The following CYP11A1 variants were observed in gnomAD, a reference collection of about 807,000 sequenced individuals.
CYP11A1 encodes the protein cytochrome P450 family 11 subfamily A member 1.
In CYP11A1, 25 loss-of-function variants were observed where a neutral mutation model predicts 51.9. The observed-to-expected ratio is 0.48, with a 90% CI of 0.35 to 0.67. CYP11A1 has a LOEUF of 0.67. CYP11A1 is among the 30% of genes least tolerant of loss of function. The probability of loss-of-function intolerance (pLI) is 0.00; values close to 1 mark genes in which losing one functional copy is unlikely to be tolerated. For synonymous variants in CYP11A1, 245 were observed against 262.1 expected, an observed-to-expected ratio of 0.93 and a Z score of 0.63; for missense variants, 578 against 680.9, an observed-to-expected ratio of 0.85 and a Z score of 1.68.
chr15:74,342,516 C>A (rs932981944), intron 5 of CYP11A1, among the ~76,000 whole-genome samples: 2 of 152,164 alleles, frequency 1.3e-5, no homozygotes, highest in African/African-American at 4.8e-5. Flanking sequence ...GGAGGAAGGA[C>A]AACAAAAAGA....
chr15:74,361,329 A>G (rs2060707940), intron 1 of CYP11A1: 1 of 223,662 alleles, frequency 4.5e-6, no homozygotes, highest in Non-Finnish European at 8.9e-6. Flanking sequence ...TATGTTACCA[A>G]TCACAATTAT....
chr15:74,361,510 G>T, intron 1 of CYP11A1: 1 of 580,586 alleles, frequency 1.7e-6, no homozygotes, highest in East Asian at 3.6e-5. Context: ...CTGTCGCTTT[G>T]CAGATGCCGT....
chr15:74,358,280 A>T (rs896365934), intron 1 of CYP11A1, among the ~76,000 whole-genome samples: 2 of 152,162 alleles, frequency 1.3e-5, no homozygotes, highest in Non-Finnish European at 2.9e-5. Context: ...TCTCCTTCTC[A>T]TCGGTCACTC....
chr15:74,347,307 G>C (rs776002823), intron 2 of CYP11A1, among the ~76,000 whole-genome samples: 11 of 152,300 alleles, frequency 7.2e-5, no homozygotes, highest in Admixed American at 3.3e-4. Flanking sequence ...TACTTGGGAG[G>C]CTGAGGTGGG....
rs765534121 is a variant in CYP11A1 at position 74,367,601 on chromosome 15, G to A, written c.-16C>T. The A allele has an allele frequency of 2.5e-6, 4 of 1,612,390 alleles. No individual in the cohort carries two copies. Among genetic ancestry groups the A allele is most frequent in the Non-Finnish European group, 2.5e-6 (3 of 1,179,610 alleles). ...TGGCCAGCATGCTGTCCCCACAGCT[G>A]TGACTGTACCTGCTCCACTTCAGCG... is the stretch of plus-strand genomic sequence containing the variant. On this transcript the variant is annotated 5_prime_UTR_variant, in exon 1 of 9. Transcript: ENST00000268053.
At chr15:74,360,430 G>A (rs751318080) in intron 1 of CYP11A1, among the ~76,000 whole-genome samples, 3 of 151,808 alleles carry the variant, frequency 2.0e-5, no homozygotes, top group African/African-American at 2.4e-5. Flanking sequence ...ACAGACGCCC[G>A]CCACCACACC....
chr15:74,347,144 C>T (rs1332311359), intron 2 of CYP11A1, among the ~76,000 whole-genome samples: 1 of 151,998 alleles, frequency 6.6e-6, no homozygotes, highest in Admixed American at 6.6e-5. Flanking sequence ...TATGGTGGCT[C>T]ATGCCTATAA....
chr15:74,357,562 C>A (rs550958109), intron 1 of CYP11A1, among the ~76,000 whole-genome samples: 2 of 152,302 alleles, frequency 1.3e-5, no homozygotes, highest in African/African-American at 4.8e-5. Context: ...TCCCATAGAT[C>A]CTAAATTCTT....
chr15:74,346,092 C>CCTGT (rs1237870962), intron 2 of CYP11A1, among the ~76,000 whole-genome samples: 1 of 152,120 alleles, frequency 6.6e-6, no homozygotes, highest in Admixed American at 6.5e-5. Flanking sequence ...GTGGCTCACG[C>CCTGT]CTGTAATCCC....
intron 1 of CYP11A1, chr15:74,364,559 C>T (rs968815505): frequency 2.0e-5 from 3 of 152,220 alleles, no homozygotes; most frequent in Non-Finnish European, 2.9e-5. Context: ...CCCTACGCTC[C>T]GCCTGCTCCC....
chr15:74,354,393 C>T (rs982112955), intron 1 of CYP11A1: 6 of 152,030 alleles, frequency 3.9e-5, no homozygotes, highest in Non-Finnish European at 7.4e-5. Flanking sequence ...TTTTCCATTA[C>T]CTACCCAAAT....
Position 74,337,888 on chromosome 15 carries a change from G to T in CYP11A1, c.*84C>A. The T allele has an allele frequency of 6.3e-7, 1 of 1,579,554 alleles. No individual in the cohort carries two copies. The highest frequency in any genetic ancestry group is 8.7e-7 in the Non-Finnish European group (1 of 1,153,256). ...GGCTGGGCAGAAAGGAGCAGGACTT[G>T]GGACAGACGACTGAAGATGCAGAGA... is the stretch of plus-strand genomic sequence containing the variant. On this transcript the variant is annotated 3_prime_UTR_variant, in exon 9 of 9. Coordinates refer to ENST00000268053, the MANE Select transcript of CYP11A1 (RefSeq NM_000781.3).
intron 1 of CYP11A1, among the ~76,000 whole-genome samples, chr15:74,348,473 C>G (rs2060641989): frequency 6.6e-6 from 1 of 152,300 alleles, no homozygotes; most frequent in East Asian, 1.9e-4. Flanking sequence ...AGCTCAGAAC[C>G]ATGGCACACT....
intron 4 of CYP11A1, among the ~76,000 whole-genome samples, chr15:74,343,401 G>A (rs2060617226): frequency 6.6e-6 from 1 of 152,164 alleles, no homozygotes; most frequent in Non-Finnish European, 1.5e-5. Flanking sequence ...TCACATGGCT[G>A]TAAGGGGCAG....
At chr15:74,360,992 TG>T (rs1374756110) in intron 1 of CYP11A1, among the ~76,000 whole-genome samples, 3 of 152,188 alleles carry the variant, frequency 2.0e-5, no homozygotes, top group Admixed American at 6.5e-5. Context: ...TAGAAAGTGT[TG>T]GGGGTTTTTT....
At chr15:74,348,581 G>A (rs2060642300) in intron 1 of CYP11A1, among the ~76,000 whole-genome samples, 1 of 152,130 alleles carries the variant, frequency 6.6e-6, no homozygotes, top group Non-Finnish European at 1.5e-5. Flanking sequence ...TCTGAGAGTG[G>A]CCACCCTGAC....
intron 1 of CYP11A1, chr15:74,350,624 T>C (rs992767332): frequency 6.5e-6 from 1 of 153,078 alleles, no homozygotes; most frequent in African/African-American, 2.4e-5. Flanking sequence ...ACAGGAAATA[T>C]CCTCTCCATA....
chr15:74,349,695 C>A (rs1273118335), intron 1 of CYP11A1, among the ~76,000 whole-genome samples: 1 of 151,964 alleles, frequency 6.6e-6, no homozygotes, highest in African/African-American at 2.4e-5. Flanking sequence ...TCATGTCTAA[C>A]AGCAAAAAAG....
At position 74,365,947 on chromosome 15, in the gene CYP11A1, CT is replaced by C. The variant is rs1233425687; in HGVS notation, c.269+1369del. 5 of 978,108 alleles carry C rather than the reference CT, an allele frequency of 5.1e-6. No individual in the cohort carries two copies. In the African/African-American group the frequency reaches 9.0e-5, roughly 18 times the overall value. 60.6% of individuals were successfully genotyped at this position (978,108 alleles called of 1,614,324 possible). ...AGCGCACGGAGTCCGTGTTGGGGAA[CT>C]TGGCGGCAGAGTGACTGGGACCTAG... On this transcript the variant is annotated intron_variant, in intron 1 of 8. Transcript: ENST00000268053.
Sources: allele counts gnomAD v4.1 joint callset (sites outside exome capture counted in the v4.1 genomes callset), GRCh38; gene constraint gnomAD v4.1.1; transcripts MANE v1.5; gene names NCBI Gene and HGNC (gene_info 2026-07-23, HGNC 2026-07-21).